Variants in NTAQ1 observed in about 807,000 individuals in gnomAD.
NTAQ1 encodes the protein protein N-terminal glutamine amidohydrolase.
A neutral mutation model predicts 28.2 loss-of-function variants in NTAQ1; 21 were observed. The observed-to-expected ratio is 0.74, with a 90% CI of 0.53 to 1.07. The LOEUF is 1.07. NTAQ1 is among the 50% of genes least tolerant of loss of function. NTAQ1 has a pLI of 0.00. For missense variants in NTAQ1, 264 were observed against 256.6 expected (o/e 1.03, Z -0.20); for synonymous variants, 105 against 90.0 (o/e 1.17, Z -0.94).
At chr8:123,422,715 G>C (rs1301163630) in intron 1 of NTAQ1, among the ~76,000 whole-genome samples, 1 of 147,846 alleles carries the variant, frequency 6.8e-6, no homozygotes, top group African/African-American at 2.5e-5. Flanking sequence ...TGAAATCTTT[G>C]CCAGGGCCTA....
intron 6 of NTAQ1, among the ~76,000 whole-genome samples, chr8:123,457,329 AG>A (rs1415598863): frequency 6.6e-6 from 1 of 152,170 alleles, no homozygotes; most frequent in Non-Finnish European, 1.5e-5. Flanking sequence ...GGCCTCCCAA[AG>A]TGCTAGGATT....
downstream of NTAQ1, among the ~76,000 whole-genome samples, chr8:123,470,638 GCA>G (rs1192239806): frequency 6.6e-6 from 1 of 152,208 alleles, no homozygotes; most frequent in Non-Finnish European, 1.5e-5. Context: ...CTAGTGCTGT[GCA>G]TGAAGTCCCA....
At chr8:123,452,310 T>G (rs1181778700), downstream of NTAQ1, among the ~76,000 whole-genome samples, 3 of 152,196 alleles carry the variant, frequency 2.0e-5, no homozygotes. Flanking sequence ...TAACATCCAT[T>G]TATTGGTCAG....
At chr8:123,451,034 C>G (rs1212828501), downstream of NTAQ1, among the ~76,000 whole-genome samples, 1 of 152,246 alleles carries the variant, frequency 6.6e-6, no homozygotes, top group Non-Finnish European at 1.5e-5. Flanking sequence ...GATTTCAGCT[C>G]TGCTACTGCT....
At chr8:123,438,954 C>A (rs1814882867) in intron 5 of NTAQ1, among the ~76,000 whole-genome samples, 1 of 152,178 alleles carries the variant, frequency 6.6e-6, no homozygotes. Context: ...AGGGCCTGGT[C>A]TGGCCACAGT....
chr8:123,450,770 C>G (rs1251583856), downstream of NTAQ1, among the ~76,000 whole-genome samples: 4 of 152,016 alleles, frequency 2.6e-5, no homozygotes, highest in Non-Finnish European at 2.9e-5. Flanking sequence ...TAACTCTTTG[C>G]TTTTTTTCCT....
intron 1 of NTAQ1, among the ~76,000 whole-genome samples, chr8:123,426,024 C>T (rs114064609): frequency 0.019 from 2,825 of 152,164 alleles, 95 homozygotes; most frequent in African/African-American, 0.064. Context: ...ACTCCGTCCC[C>T]GCTCCCCCCT....
At chr8:123,461,382 A>C (rs140929235) in intron 6 of NTAQ1, among the ~76,000 whole-genome samples, 5 of 152,152 alleles carry the variant, frequency 3.3e-5, no homozygotes, top group African/African-American at 9.6e-5. Flanking sequence ...TACCAAATAA[A>C]CAACTTCTAC....
intron 3 of NTAQ1, among the ~76,000 whole-genome samples, chr8:123,435,721 G>C (rs903715580): frequency 1.3e-5 from 2 of 151,962 alleles, no homozygotes; most frequent in East Asian, 1.9e-4. Flanking sequence ...ACAAAAATTA[G>C]CTGGGCGTGG....
At chr8:123,453,946 C>T (rs1642600491) in intron 6 of NTAQ1, among the ~76,000 whole-genome samples, 1 of 152,164 alleles carries the variant, frequency 6.6e-6, no homozygotes, top group African/African-American at 2.4e-5. Context: ...TCCCAGTTCA[C>T]CCAGTTCCAA....
intron 1 of NTAQ1, among the ~76,000 whole-genome samples, chr8:123,425,042 A>G (rs918939556): frequency 2.0e-5 from 3 of 152,154 alleles, no homozygotes; most frequent in Admixed American, 2.0e-4. Context: ...GATTAAGGAA[A>G]TTTTATTGTG....
intron 3 of NTAQ1, among the ~76,000 whole-genome samples, chr8:123,435,855 A>G (rs993881621): frequency 1.3e-5 from 2 of 148,920 alleles, no homozygotes; most frequent in African/African-American, 5.0e-5. Flanking sequence ...TGATAGAGCA[A>G]GACTCTGTCT....
intron 6 of NTAQ1, among the ~76,000 whole-genome samples, chr8:123,457,070 G>GAT (rs949958559): frequency 9.2e-5 from 14 of 152,146 alleles, no homozygotes; most frequent in East Asian, 7.7e-4. Context: ...TATACATATA[G>GAT]ATATATATAT....
intron 6 of NTAQ1, among the ~76,000 whole-genome samples, chr8:123,464,578 A>G (rs747001715): frequency 4.6e-5 from 7 of 152,172 alleles, no homozygotes; most frequent in East Asian, 1.9e-4. Context: ...CTTCACCTCA[A>G]GGGTACGATG....
intron 6 of NTAQ1, among the ~76,000 whole-genome samples, chr8:123,458,369 CTGTT>C (rs934077956): frequency 2.6e-5 from 4 of 152,036 alleles, no homozygotes; most frequent in African/African-American, 4.8e-5. Context: ...CGCTCCGAGC[CTGTT>C]TGTTTACCAA....
At chr8:123,418,896 TC>T (rs1813482724) in intron 1 of NTAQ1, among the ~76,000 whole-genome samples, 1 of 152,148 alleles carries the variant, frequency 6.6e-6, no homozygotes. Context: ...ATCCCTGGCT[TC>T]TACCCACTAG....
downstream of NTAQ1, among the ~76,000 whole-genome samples, chr8:123,474,944 C>T (rs1816076504): frequency 6.6e-6 from 1 of 152,174 alleles, no homozygotes; most frequent in Non-Finnish European, 1.5e-5. Context: ...CCTTCACCCA[C>T]TAGTTTTAGC....
chr8:123,440,345 G>A (rs1054699443), intron 5 of NTAQ1, among the ~76,000 whole-genome samples: 2 of 150,912 alleles, frequency 1.3e-5, no homozygotes, highest in African/African-American at 4.9e-5. Context: ...TAGTAGAGAC[G>A]GGGTTTCACC....
downstream of NTAQ1, among the ~76,000 whole-genome samples, chr8:123,449,852 C>T (rs974659404): frequency 3.0e-5 from 3 of 100,824 alleles, no homozygotes; most frequent in Non-Finnish European, 5.8e-5. Flanking sequence ...GACTCTGGCT[C>T]GCTGCTTTCT....
Sources: allele counts gnomAD v4.1 joint callset (sites outside exome capture counted in the v4.1 genomes callset), GRCh38; gene constraint gnomAD v4.1.1; transcripts MANE v1.5; gene names NCBI Gene and HGNC (gene_info 2026-07-23, HGNC 2026-07-21).